The following ADARB2 variants were observed in gnomAD, a reference collection of about 807,000 sequenced individuals.
ADARB2 encodes adenosine deaminase RNA specific B2 (inactive).
In ADARB2, 25 loss-of-function variants were observed where a neutral mutation model predicts 62.2. The observed-to-expected ratio is 0.40, with a 90% CI of 0.29 to 0.56. The LOEUF is 0.56. Ranked by LOEUF, ADARB2 falls within the 20% of genes least tolerant of loss-of-function variation. The pLI, the probability that ADARB2 is intolerant of heterozygous loss-of-function variation, is 0.43. For synonymous variants in ADARB2, 572 were observed against 500.8 expected (o/e 1.14, Z -1.90); for missense variants, 1,071 against 1,077.4 (o/e 0.99, Z 0.08).
intron 1 of ADARB2, among the ~76,000 whole-genome samples, chr10:1,455,941 T>G (rs1831090452): frequency 6.6e-6 from 1 of 152,234 alleles, no homozygotes; most frequent in African/African-American, 2.4e-5. Flanking sequence ...TGTATGTCAC[T>G]TAAAGGATTG....
chr10:1,613,807 G>A (rs970391042), intron 1 of ADARB2, among the ~76,000 whole-genome samples: 4 of 152,238 alleles, frequency 2.6e-5, no homozygotes, highest in African/African-American at 4.8e-5. Context: ...CCGAAAGCCC[G>A]CAGCTCTGCA....
chr10:1,505,474 T>C (rs2131940974), intron 1 of ADARB2, among the ~76,000 whole-genome samples: 1 of 151,418 alleles, frequency 6.6e-6, no homozygotes, highest in East Asian at 2.0e-4. Flanking sequence ...GGAGGCGAAA[T>C]GATTTCTCTA....
chr10:1,529,656 G>T (rs1008344738), intron 1 of ADARB2, among the ~76,000 whole-genome samples: 11 of 152,206 alleles, frequency 7.2e-5, no homozygotes, highest in Non-Finnish European at 1.3e-4. Flanking sequence ...GCCCTTGTTG[G>T]AGCCCCTCTG....
chr10:1,362,682 A>G (rs1448451539), intron 3 of ADARB2, among the ~76,000 whole-genome samples: 3 of 151,940 alleles, frequency 2.0e-5, no homozygotes, highest in South Asian at 2.1e-4. Flanking sequence ...CTTGACCCCA[A>G]TTTTACCCGG....
At chr10:1,371,889 GA>G (rs1398899435) in intron 2 of ADARB2, among the ~76,000 whole-genome samples, 12 of 125,492 alleles carry the variant, frequency 9.6e-5, no homozygotes, top group Admixed American at 7.5e-5. Flanking sequence ...CACTTCTATG[GA>G]AAACGGTACA....
At chr10:1,492,925 C>A (rs1256187353) in intron 1 of ADARB2, among the ~76,000 whole-genome samples, 2 of 152,148 alleles carry the variant, frequency 1.3e-5, no homozygotes, top group East Asian at 3.9e-4. Flanking sequence ...GAGCTCAGGC[C>A]TTGATGCCAG....
chr10:1,487,808 A>G (rs1831562527), intron 1 of ADARB2, among the ~76,000 whole-genome samples: 1 of 152,202 alleles, frequency 6.6e-6, no homozygotes, highest in South Asian at 2.1e-4. Context: ...CAGAAAAACA[A>G]AAGTGTGGTG....
At chr10:1,240,713 G>T (rs746908772) in intron 5 of ADARB2, among the ~76,000 whole-genome samples, 42 of 152,172 alleles carry the variant, frequency 2.8e-4, no homozygotes, top group Non-Finnish European at 4.3e-4. Flanking sequence ...CCTGTCTGTG[G>T]ACCCCCCCAG....
intron 1 of ADARB2, among the ~76,000 whole-genome samples, chr10:1,586,298 C>T (rs1225805417): frequency 6.6e-6 from 1 of 152,214 alleles, no homozygotes. Flanking sequence ...TCTACTCCTG[C>T]AGCAACTACA....
At chr10:1,270,178 G>A (rs1342954371) in intron 4 of ADARB2, among the ~76,000 whole-genome samples, 1 of 152,218 alleles carries the variant, frequency 6.6e-6, no homozygotes, top group Non-Finnish European at 1.5e-5. Flanking sequence ...AACCATGCCA[G>A]TCATTTGGTC....
At chr10:1,455,954 C>T (rs1389311981) in intron 1 of ADARB2, among the ~76,000 whole-genome samples, 2 of 152,160 alleles carry the variant, frequency 1.3e-5, no homozygotes, top group African/African-American at 2.4e-5. Context: ...AAGGATTGTA[C>T]TAGTTCAGAA....
At chr10:1,589,295 G>T (rs1039973039) in intron 1 of ADARB2, among the ~76,000 whole-genome samples, 3 of 152,220 alleles carry the variant, frequency 2.0e-5, no homozygotes, top group South Asian at 2.1e-4. Flanking sequence ...ATGGTGGAAA[G>T]GTGCGGACCC....
At chr10:1,716,773 G>A (rs1290011947) in intron 1 of ADARB2, among the ~76,000 whole-genome samples, 1 of 152,148 alleles carries the variant, frequency 6.6e-6, no homozygotes, top group Non-Finnish European at 1.5e-5. Context: ...GGATGCTTTG[G>A]CAGATTTAGG....
intron 1 of ADARB2, among the ~76,000 whole-genome samples, chr10:1,561,098 T>G (rs1353011368): frequency 6.6e-6 from 1 of 152,210 alleles, no homozygotes; most frequent in East Asian, 1.9e-4. Context: ...ATTTTAATAA[T>G]AAATTTTATC....
At chr10:1,399,714 G>A (rs1275312104) in intron 1 of ADARB2, among the ~76,000 whole-genome samples, 1 of 152,216 alleles carries the variant, frequency 6.6e-6, no homozygotes. Context: ...ATTATTTGAA[G>A]GATGTACCAG....
intron 1 of ADARB2, among the ~76,000 whole-genome samples, chr10:1,690,500 T>C (rs922907274): frequency 6.6e-6 from 1 of 152,188 alleles, no homozygotes; most frequent in African/African-American, 2.4e-5. Flanking sequence ...AATGATGCAG[T>C]GACAGGCATC....
At chr10:1,220,333 A>G (rs1177851614) in intron 6 of ADARB2, among the ~76,000 whole-genome samples, 2 of 115,040 alleles carry the variant, frequency 1.7e-5, no homozygotes, top group African/African-American at 6.7e-5. Flanking sequence ...GGTGGTGGTG[A>G]TGGATGATGG....
chr10:1,549,652 C>T lies in ADARB2; in HGVS notation c.101-170492G>A, dbSNP rs545813713. On this transcript the variant is annotated intron_variant, in intron 1 of 9. Coordinates refer to ENST00000381312, the MANE Select transcript of ADARB2 (RefSeq NM_018702.4). ...ACTGAGAGAGCTGCGTAAGAGAGAA[C>T]GCAATGCACTCTTCCTCCTCATTGT... is the stretch of plus-strand genomic sequence containing the variant. Among the ~76,000 whole-genome samples, 18 of 152,106 alleles carry T rather than the reference C, an allele frequency of 1.2e-4. No individual in the cohort carries two copies. The South Asian group carries it at 2.7e-3, about 23-fold the overall frequency.
At chr10:1,647,510 C>T (rs540713250) in intron 1 of ADARB2, among the ~76,000 whole-genome samples, 3 of 151,646 alleles carry the variant, frequency 2.0e-5, no homozygotes, top group East Asian at 3.9e-4. Context: ...TATATATATG[C>T]CTGCATATAT....
Sources: gnomAD v4.1 joint callset for allele counts (sites outside exome capture counted in the v4.1 genomes callset) on GRCh38, gnomAD v4.1.1 for gene constraint, MANE v1.5 for transcripts, NCBI Gene and HGNC (gene_info 2026-07-23, HGNC 2026-07-21) for gene names.